The following SGCZ variants were observed in gnomAD, a reference collection of about 807,000 sequenced individuals.
SGCZ encodes the protein zeta-sarcoglycan.
Under a neutral mutation model 41.3 loss-of-function variants are expected in SGCZ, and 40 were observed. That is an observed-to-expected ratio of 0.97 (90% confidence interval 0.75 to 1.26). The LOEUF (loss-of-function observed/expected upper bound fraction) is 1.26, where lower values mean the gene tolerates loss of function less well. Ranked by LOEUF, SGCZ falls within the 50% of genes most tolerant of loss-of-function variation. The pLI is 0.00. For synonymous variants in SGCZ, 206 were observed against 137.5 expected (o/e 1.50, Z -3.49); for missense variants, 552 against 369.8 (o/e 1.49, Z -4.04).
chr8:14,629,902 C>G (rs928432847), intron 1 of SGCZ, among the ~76,000 whole-genome samples: 4 of 151,976 alleles, frequency 2.6e-5, no homozygotes, highest in African/African-American at 9.7e-5. Context: ...ATGCTTCAAG[C>G]AAAGGCCTAA....
chr8:14,575,010 A>G (rs1276787770), intron 1 of SGCZ, among the ~76,000 whole-genome samples: 1 of 152,230 alleles, frequency 6.6e-6, no homozygotes, highest in Non-Finnish European at 1.5e-5. Context: ...TTATATTTAC[A>G]GAAAATAATT....
rs540937771 is a variant in SGCZ, at chr8:14,454,736, T to C, written c.234+99996A>G. ...GTCTCTAAGAAGACTCATGTGCAAA[T>C]GTACCTTTGTATAAAGGATAAGTGA... On this transcript the variant is annotated intron_variant, in intron 2 of 7. Transcript: ENST00000382080. Among the ~76,000 whole-genome samples, 80 of 152,276 alleles carry C rather than the reference T, an allele frequency of 5.3e-4. No homozygotes were observed. The Middle Eastern group carries it at 0.01, about 20-fold the overall frequency.
At position 14,587,027 on chromosome 8, in the gene SGCZ, T is replaced by TAA. The variant is rs11399140; in HGVS notation, c.40-32103_40-32102dup. 8.8e-3 allele frequency among the ~76,000 whole-genome samples: 1,303 copies of TAA among 147,542 alleles called. 10 individuals carry two copies. The highest frequency in any genetic ancestry group is 0.012 in the Non-Finnish European group (807 of 66,604). On this transcript the variant is annotated intron_variant, in intron 1 of 7. Transcript: ENST00000382080. ...GAATATCCTTATGTGTTTCTTACAT[T>TAA]AAAAAAAAAACAAAATAAACTTGGA...
chr8:14,931,050 T>A (rs1799911225), intron 1 of SGCZ, among the ~76,000 whole-genome samples: 1 of 152,082 alleles, frequency 6.6e-6, no homozygotes, highest in African/African-American at 2.4e-5. Flanking sequence ...TTATTTTGCA[T>A]ATTTTTCTCA....
At chr8:15,174,205 C>T (rs4831326) in intron 1 of SGCZ, among the ~76,000 whole-genome samples, 3 of 151,852 alleles carry the variant, frequency 2.0e-5, no homozygotes, top group South Asian at 2.1e-4. Context: ...ATAGGACTAG[C>T]GAAACTCACC....
intron 1 of SGCZ, among the ~76,000 whole-genome samples, chr8:14,584,616 A>G (rs1805001346): frequency 6.6e-6 from 1 of 152,130 alleles, no homozygotes; most frequent in Admixed American, 6.6e-5. Flanking sequence ...AAAGATGTCA[A>G]AAGTTAAAAT....
intron 1 of SGCZ, among the ~76,000 whole-genome samples, chr8:14,942,370 G>C (rs1388587569): frequency 6.6e-6 from 1 of 152,136 alleles, no homozygotes; most frequent in Non-Finnish European, 1.5e-5. Flanking sequence ...GAAGAAATTA[G>C]ACTGGTAGGA....
intron 2 of SGCZ, among the ~76,000 whole-genome samples, chr8:14,510,555 C>T (rs1352494653): frequency 1.3e-5 from 2 of 152,106 alleles, no homozygotes. Context: ...AATTAAACTA[C>T]AGCTGTCTCT....
chr8:14,415,651 T>C (rs1476991034), intron 2 of SGCZ, among the ~76,000 whole-genome samples: 1 of 152,016 alleles, frequency 6.6e-6, no homozygotes, highest in Non-Finnish European at 1.5e-5. Flanking sequence ...TTTAAATAAC[T>C]CCTTAAGAAA....
At chr8:14,350,863 T>C (rs546355056) in intron 2 of SGCZ, among the ~76,000 whole-genome samples, 1 of 152,180 alleles carries the variant, frequency 6.6e-6, no homozygotes, top group East Asian at 1.9e-4. Context: ...CGTTTAAACA[T>C]ATTTTGCTGA....
chr8:14,891,359 C>T (rs1230681141), intron 1 of SGCZ, among the ~76,000 whole-genome samples: 2 of 152,180 alleles, frequency 1.3e-5, no homozygotes, highest in Admixed American at 1.3e-4. Context: ...TTCCAGCAGT[C>T]ATGGACGACT....
At chr8:15,105,424 G>T (rs577234568) in intron 1 of SGCZ, among the ~76,000 whole-genome samples, 1 of 152,110 alleles carries the variant, frequency 6.6e-6, no homozygotes, top group Non-Finnish European at 1.5e-5. Flanking sequence ...CATGGCTAGG[G>T]TGCCTCAGGA....
intron 1 of SGCZ, among the ~76,000 whole-genome samples, chr8:15,127,887 C>G (rs1807763227): frequency 6.6e-6 from 1 of 152,126 alleles, no homozygotes; most frequent in Non-Finnish European, 1.5e-5. Context: ...GCCTTACAAT[C>G]CTTTAATACA....
chr8:15,084,760 A>G lies in SGCZ; in HGVS notation c.39+152825T>C, dbSNP rs117747066. Among the ~76,000 whole-genome samples, 1,366 of 151,024 alleles carry G rather than the reference A, an allele frequency of 9.0e-3. 15 individuals are homozygous for G. Among genetic ancestry groups the G allele is most frequent in the Non-Finnish European group, 0.014 (955 of 67,140 alleles). On this transcript the variant is annotated intron_variant, in intron 1 of 7. Transcript: ENST00000382080. ...GAGTGAGACTCCATCTCAAACAAAC[A>G]AAAGAAAGAAAGAAAGAAAAGAAAT...
chr8:14,888,412 G>A lies in SGCZ; in HGVS notation c.40-333486C>T, dbSNP rs192989689. 3.9e-3 allele frequency among the ~76,000 whole-genome samples: 586 copies of A among 152,198 alleles called. 4 individuals carry two copies. Among genetic ancestry groups the A allele is most frequent in the African/African-American group, 0.013 (546 of 41,552 alleles). On this transcript the variant is annotated intron_variant, in intron 1 of 7. Coordinates refer to ENST00000382080, the MANE Select transcript of SGCZ (RefSeq NM_139167.4). Reference sequence around the variant, plus strand: ...TTAATAACCCTCTTGCACTTGAACCGTGACTATGATTTCAAAGAATTGCCT... The same window carrying A: ...TTAATAACCCTCTTGCACTTGAACCATGACTATGATTTCAAAGAATTGCCT...
chr8:14,210,720 G>A (rs1286241238), intron 4 of SGCZ, among the ~76,000 whole-genome samples: 2 of 152,050 alleles, frequency 1.3e-5, no homozygotes, highest in Non-Finnish European at 2.9e-5. Flanking sequence ...GCTTGCCTCG[G>A]CCTCCCAAAG....
At chr8:14,336,207 G>A (rs909145200) in intron 2 of SGCZ, among the ~76,000 whole-genome samples, 20 of 152,094 alleles carry the variant, frequency 1.3e-4, no homozygotes, top group African/African-American at 4.1e-4. Context: ...AAGGATAATG[G>A]CCTCTAGTTC....
chr8:14,835,637 C>T (rs933887398), intron 1 of SGCZ, among the ~76,000 whole-genome samples: 6 of 152,200 alleles, frequency 3.9e-5, no homozygotes, highest in Non-Finnish European at 5.9e-5. Context: ...GACACCTGTT[C>T]TAATTTGATA....
intron 5 of SGCZ, among the ~76,000 whole-genome samples, chr8:14,146,890 A>AAAAAAAAAAAAAAAAATAATAATAATAAT (rs1182329393): frequency 8.6e-6 from 1 of 116,182 alleles, no homozygotes; most frequent in African/African-American, 3.6e-5. Context: ...AAAATAAAAA[A>AAAAAAAAAAAAAAAAATAATAATAATAAT]AATAATAATA....
Sources: gnomAD v4.1 joint callset for allele counts (sites outside exome capture counted in the v4.1 genomes callset) on GRCh38, gnomAD v4.1.1 for gene constraint, MANE v1.5 for transcripts, NCBI Gene and HGNC (gene_info 2026-07-23, HGNC 2026-07-21) for gene names.